The following COG5 variants were observed in gnomAD, a reference collection of about 807,000 sequenced individuals.
The protein encoded by COG5 is component of oligomeric golgi complex 5.
A neutral mutation model predicts 110.4 loss-of-function variants in COG5; 86 were observed. The observed-to-expected ratio is 0.78, with a 90% CI of 0.65 to 0.93. The LOEUF (loss-of-function observed/expected upper bound fraction) is 0.93. Ranked by LOEUF, COG5 falls within the 40% of genes least tolerant of loss-of-function variation. COG5 has a pLI of 0.00. For synonymous variants in COG5, 360 were observed against 334.6 expected, an observed-to-expected ratio of 1.08 and a Z score of -0.83; for missense variants, 1,077 against 987.0, an observed-to-expected ratio of 1.09 and a Z score of -1.22.
chr7:107,473,075 T>TC, intron 6 of COG5: 1 of 151,950 alleles, frequency 6.6e-6, no homozygotes, highest in South Asian at 2.1e-4. Context: ...ACAAAAGGCT[T>TC]CACAGGTAAT....
At chr7:107,378,609 C>G (rs531228174) in intron 7 of COG5, among the ~76,000 whole-genome samples, 1 of 151,994 alleles carries the variant, frequency 6.6e-6, no homozygotes, top group Non-Finnish European at 1.5e-5. Flanking sequence ...AAACACAGCA[C>G]GAGAACTTCA....
intron 12 of COG5, among the ~76,000 whole-genome samples, chr7:107,288,905 GAGAT>G (rs770344721): frequency 1.6e-4 from 11 of 67,284 alleles, no homozygotes; most frequent in African/African-American, 4.3e-4. Flanking sequence ...TTTTCTAACA[GAGAT>G]ATATATATAT....
At chr7:107,563,543 A>AGGGGGGGGGGGGGGGGGGGGGGGGG (rs1491334770) in intron 1 of COG5, 1 of 311,018 alleles carries the variant, frequency 3.2e-6, no homozygotes, top group African/African-American at 7.6e-5. Context: ...AGCTGGAGGC[A>AGGGGGGGGGGGGGGGGGGGGGGGGG]TGGGGGGGGG....
In COG5 at chr7:107,541,523, A is replaced by AAAAAAAAATATAT. The variant is rs60423657; in HGVS notation, c.417+6587_417+6588insATATATTTTTTTT. ...AAAAAAAAAAAAAAAAAAAAAAAAA[A>AAAAAAAAATATAT]ATATATATATATATATATATGTATT... On this transcript the variant is annotated intron_variant, in intron 5 of 21. Coordinates refer to ENST00000297135, the MANE Select transcript of COG5 (RefSeq NM_006348.5). Among the ~76,000 whole-genome samples, 82 of 56,984 alleles carry AAAAAAAAATATAT rather than the reference A, an allele frequency of 1.4e-3. 9 individuals are homozygous for AAAAAAAAATATAT. Among genetic ancestry groups the AAAAAAAAATATAT allele is most frequent in the Admixed American group, 2.6e-3 (11 of 4,154 alleles). The allele number at this position is 56,984 out of a possible 152,430, so 37.4% of individuals were successfully genotyped here.
At chr7:107,424,426 C>A (rs1212034338) in intron 6 of COG5, among the ~76,000 whole-genome samples, 2 of 150,640 alleles carry the variant, frequency 1.3e-5, no homozygotes. Flanking sequence ...TTTCTCAGGC[C>A]TATAAATATA....
At chr7:107,409,821 T>C (rs540804915) in intron 7 of COG5, among the ~76,000 whole-genome samples, 18 of 152,282 alleles carry the variant, frequency 1.2e-4, no homozygotes, top group Non-Finnish European at 1.9e-4. Flanking sequence ...TGATTTTCCT[T>C]GTAAGGAGTG....
intron 6 of COG5, among the ~76,000 whole-genome samples, chr7:107,510,915 A>G (rs374423838): frequency 6.6e-6 from 1 of 152,230 alleles, no homozygotes; most frequent in South Asian, 2.1e-4. Flanking sequence ...GGAAATTTAT[A>G]GCACTAAATG....
intron 6 of COG5, among the ~76,000 whole-genome samples, chr7:107,441,485 G>A (rs1336936735): frequency 6.6e-6 from 1 of 152,136 alleles, no homozygotes; most frequent in Non-Finnish European, 1.5e-5. Flanking sequence ...ACATAAAGGA[G>A]AGAGCAGAAA....
At chr7:107,213,192 C>T (rs1343826228) in intron 19 of COG5, among the ~76,000 whole-genome samples, 1 of 152,122 alleles carries the variant, frequency 6.6e-6, no homozygotes, top group Non-Finnish European at 1.5e-5. Context: ...AGAAGCTGAA[C>T]AAGAAGTTCA....
At chr7:107,436,527 T>C (rs559399724) in intron 6 of COG5, among the ~76,000 whole-genome samples, 1 of 152,118 alleles carries the variant, frequency 6.6e-6, no homozygotes, top group African/African-American at 2.4e-5. Context: ...AGACAGGTGG[T>C]GGTGATGGTT....
At chr7:107,539,576 A>G (rs1461329660) in intron 5 of COG5, among the ~76,000 whole-genome samples, 1 of 152,172 alleles carries the variant, frequency 6.6e-6, no homozygotes, top group African/African-American at 2.4e-5. Context: ...GCTAATGGGC[A>G]TAGAGTTTCT....
intron 6 of COG5, chr7:107,475,161 T>C: frequency 1.2e-6 from 2 of 1,610,136 alleles, no homozygotes; most frequent in Non-Finnish European, 1.7e-6. Context: ...CTCTATTATA[T>C]GCATTCACTA....
intron 3 of COG5, among the ~76,000 whole-genome samples, chr7:107,550,820 C>A (rs953943802): frequency 2.0e-5 from 3 of 151,726 alleles, no homozygotes; most frequent in African/African-American, 7.3e-5. Context: ...ATTCTCATGC[C>A]TCAGCATTCC....
chr7:107,497,787 A>C (rs887890912), intron 6 of COG5, among the ~76,000 whole-genome samples: 1 of 152,188 alleles, frequency 6.6e-6, no homozygotes, highest in African/African-American at 2.4e-5. Flanking sequence ...AAATAGAAAA[A>C]AAAATCTAAA....
At chr7:107,352,398 A>G (rs1427358718) in intron 10 of COG5, among the ~76,000 whole-genome samples, 1 of 151,092 alleles carries the variant, frequency 6.6e-6, no homozygotes, top group African/African-American at 2.4e-5. Flanking sequence ...CATGTATACA[A>G]TGTATACATA....
intron 5 of COG5, among the ~76,000 whole-genome samples, chr7:107,531,925 C>T (rs930616589): frequency 6.6e-6 from 1 of 152,098 alleles, no homozygotes; most frequent in African/African-American, 2.4e-5. Context: ...TGTCATGAAC[C>T]GAGCAGTCGT....
intron 6 of COG5, chr7:107,475,133 G>T: frequency 6.2e-7 from 1 of 1,610,124 alleles, no homozygotes; most frequent in South Asian, 1.1e-5. Flanking sequence ...ATGGCTTATG[G>T]AACAACTATA....
intron 21 of COG5, chr7:107,208,794 G>C (rs1026235306): frequency 4.2e-5 from 41 of 985,522 alleles, no homozygotes; most frequent in Admixed American, 6.1e-5. Flanking sequence ...GTGGGATGTG[G>C]GTACCAAGCT....
At chr7:107,471,534 G>A (rs1476969900) in intron 6 of COG5, 1 of 151,530 alleles carries the variant, frequency 6.6e-6, no homozygotes, top group Non-Finnish European at 1.5e-5. Flanking sequence ...ATTACTGATG[G>A]AATATAAAAA....
Sources: allele counts gnomAD v4.1 joint callset (sites outside exome capture counted in the v4.1 genomes callset), GRCh38; gene constraint gnomAD v4.1.1; transcripts MANE v1.5; gene names NCBI Gene and HGNC (gene_info 2026-07-23, HGNC 2026-07-21).